GRK4: variants seen among roughly 807,000 people sequenced by gnomAD.
The protein encoded by GRK4 is G protein-coupled receptor kinase 2-like.
In GRK4, 73 loss-of-function variants were observed where a neutral mutation model predicts 77.9. That is an observed-to-expected ratio of 0.94 (90% CI 0.78 to 1.14). The LOEUF is 1.14. Among genes scored for constraint, GRK4 ranks in the 50% most tolerant of loss-of-function variants. The pLI is 0.00. For synonymous variants in GRK4, 257 were observed against 254.4 expected (o/e 1.01, Z -0.10); for missense variants, 729 against 700.2 (o/e 1.04, Z -0.46).
At chr4:3,028,505 T>A (rs1341180522) in intron 11 of GRK4, among the ~76,000 whole-genome samples, 1 of 152,142 alleles carries the variant, frequency 6.6e-6, no homozygotes, top group Non-Finnish European at 1.5e-5. Flanking sequence ...TGGCAAGACG[T>A]GACACTTGGG....
At chr4:3,006,838 C>T (rs1731486401) in intron 5 of GRK4, among the ~76,000 whole-genome samples, 1 of 152,076 alleles carries the variant, frequency 6.6e-6, no homozygotes. Context: ...ACAGGACAGG[C>T]TTGGTCTTTG....
At chr4:2,996,718 CTT>C (rs879462515) in intron 4 of GRK4, among the ~76,000 whole-genome samples, 3 of 144,742 alleles carry the variant, frequency 2.1e-5, no homozygotes, top group South Asian at 4.4e-4. Context: ...AGCTGGAAAG[CTT>C]TTTTTTTTTT....
At chr4:3,035,738 G>T (rs988825380) in intron 13 of GRK4, among the ~76,000 whole-genome samples, 8 of 150,746 alleles carry the variant, frequency 5.3e-5, no homozygotes, top group Admixed American at 2.6e-4. Context: ...ACAGTTTTTT[G>T]TTTTTTTTTG....
At chr4:3,033,062 G>A (rs958200860) in intron 12 of GRK4, among the ~76,000 whole-genome samples, 5 of 152,306 alleles carry the variant, frequency 3.3e-5, no homozygotes, top group South Asian at 4.1e-4. Context: ...CAGATTTGGT[G>A]TTGGTGAGGG....
chr4:3,030,642 A>T (rs2857842), intron 12 of GRK4, among the ~76,000 whole-genome samples: 1 of 151,082 alleles, frequency 6.6e-6, no homozygotes, highest in Non-Finnish European at 1.5e-5. Context: ...GGCAGGCTCT[A>T]GGGGGTGAGA....
intron 13 of GRK4, among the ~76,000 whole-genome samples, chr4:3,036,329 G>T (rs1009086406): frequency 1.3e-5 from 2 of 152,212 alleles, no homozygotes; most frequent in Admixed American, 1.3e-4. Context: ...CCTTCCTCTG[G>T]ACTGTCCCCG....
intron 1 of GRK4, among the ~76,000 whole-genome samples, chr4:2,978,986 T>G (rs1721996767): frequency 6.6e-6 from 1 of 151,826 alleles, no homozygotes; most frequent in African/African-American, 2.4e-5. Context: ...TCCCAGCACT[T>G]TGGGAGGCCA....
intron 1 of GRK4, among the ~76,000 whole-genome samples, chr4:2,970,688 G>T (rs1197512234): frequency 1.3e-5 from 2 of 151,036 alleles, no homozygotes; most frequent in Non-Finnish European, 3.0e-5. Context: ...TTTTTTTTGG[G>T]GGGGTCAGTC....
chr4:3,015,031 A>G (rs1322030853), intron 8 of GRK4, among the ~76,000 whole-genome samples: 2 of 152,120 alleles, frequency 1.3e-5, no homozygotes, highest in East Asian at 1.9e-4. Context: ...TAGGCCCTCA[A>G]CTAGCATATC....
chr4:3,029,680 C>T (rs566609019), intron 12 of GRK4, among the ~76,000 whole-genome samples: 19 of 148,898 alleles, frequency 1.3e-4, no homozygotes, highest in African/African-American at 3.5e-4. Flanking sequence ...GGAGGACACG[C>T]GTGTTCAGGA....
chr4:3,022,160 T>C (rs1438207658), intron 9 of GRK4, among the ~76,000 whole-genome samples: 1 of 152,234 alleles, frequency 6.6e-6, no homozygotes, highest in Non-Finnish European at 1.5e-5. Flanking sequence ...CTGGGCTGCA[T>C]ATTTAATCAC....
chr4:2,989,045 G>T (rs1560389583), intron 3 of GRK4, among the ~76,000 whole-genome samples: 1 of 152,138 alleles, frequency 6.6e-6, no homozygotes, highest in Non-Finnish European at 1.5e-5. Flanking sequence ...AGCCGGGCGT[G>T]GTGGCGCGTG....
intron 10 of GRK4, among the ~76,000 whole-genome samples, chr4:3,025,759 A>T (rs1354349311): frequency 1.3e-5 from 2 of 151,948 alleles, no homozygotes; most frequent in Non-Finnish European, 2.9e-5. Context: ...ACACCGCAAA[A>T]TAGAGTGTAT....
chr4:3,002,127 ACT>A (rs952614507), intron 4 of GRK4, among the ~76,000 whole-genome samples: 2 of 151,902 alleles, frequency 1.3e-5, no homozygotes, highest in African/African-American at 4.8e-5. Context: ...TGAGCTGGTA[ACT>A]CTGTGTTTAG....
rs532083709 is a variant in GRK4 at position 2,995,061 on chromosome 4, G to C, written c.339+2769G>C. On this transcript the variant is annotated intron_variant, in intron 4 of 15. Coordinates refer to ENST00000398052, the MANE Select transcript of GRK4 (RefSeq NM_182982.3). ...TGGTTTTCTGTTCCTGTGTTAGTTT[G>C]CTAAGGATAATGGCCTCCAGCTCCA... Among the ~76,000 whole-genome samples, 44 of 152,230 alleles carry C rather than the reference G, an allele frequency of 2.9e-4. No homozygotes were observed. The South Asian group carries it at 6.9e-3, about 24-fold the overall frequency.
intron 8 of GRK4, among the ~76,000 whole-genome samples, chr4:3,017,050 C>T (rs1322068272): frequency 1.3e-5 from 2 of 152,244 alleles, no homozygotes; most frequent in African/African-American, 4.8e-5. Flanking sequence ...CTGCCTGCAC[C>T]CTCGCCCCTC....
chr4:2,991,232 C>T (rs887930639), intron 3 of GRK4, among the ~76,000 whole-genome samples: 9 of 152,182 alleles, frequency 5.9e-5, no homozygotes, highest in African/African-American at 2.2e-4. Context: ...AGAATTTCTT[C>T]CTCCAGGAAG....
chr4:2,993,076 A>G (rs567600500), intron 4 of GRK4, among the ~76,000 whole-genome samples: 2 of 152,206 alleles, frequency 1.3e-5, no homozygotes, highest in South Asian at 4.1e-4. Flanking sequence ...TGTCATGAGG[A>G]AACTAACAAT....
chr4:2,963,652 C>G lies in GRK4; in HGVS notation c.-419C>G, dbSNP rs1447558634. On this transcript the variant is annotated 5_prime_UTR_variant, in exon 1 of 16. Coordinates refer to ENST00000398052, the MANE Select transcript of GRK4 (RefSeq NM_182982.3). ...CCGAGCCCGCCCGGGAGCGGGTCGC[C>G]GGCCGCGGCGGGCGCCCCTGCCAGT... The G allele has an allele frequency of 1.9e-5, 7 of 373,514 alleles. No individual in the cohort carries two copies. Among genetic ancestry groups the G allele is most frequent in the Non-Finnish European group, 3.3e-5 (7 of 209,728 alleles). The allele number at this position is 373,514 out of a possible 1,614,324, so 23.1% of individuals were successfully genotyped here. A position where few individuals can be genotyped will look rare whatever the true frequency, so the allele number is the denominator to read the frequency against.
Sources: gnomAD v4.1 joint callset for allele counts (sites outside exome capture counted in the v4.1 genomes callset) on GRCh38, gnomAD v4.1.1 for gene constraint, MANE v1.5 for transcripts, NCBI Gene and HGNC (gene_info 2026-07-23, HGNC 2026-07-21) for gene names.